Variants in MAD1L1 observed in about 807,000 individuals in gnomAD.
MAD1L1 encodes the protein mitotic arrest deficient 1 like 1.
A neutral mutation model predicts 96.9 loss-of-function variants in MAD1L1; 95 were observed. The ratio of observed to expected loss-of-function variants is 0.98; its 90% CI spans 0.83 to 1.16. The LOEUF is 1.16. Among genes scored for constraint, MAD1L1 ranks in the 50% most tolerant of loss-of-function variants. The pLI is 0.00. For missense variants in MAD1L1, 1,007 were observed against 954.4 expected (o/e 1.06, Z -0.73); for synonymous variants, 473 against 396.6 (o/e 1.19, Z -2.29).
intron 12 of MAD1L1, among the ~76,000 whole-genome samples, chr7:2,062,470 G>A (rs1784704699): frequency 6.6e-6 from 1 of 151,850 alleles, no homozygotes; most frequent in Admixed American, 6.6e-5. Flanking sequence ...AGCTACTCGA[G>A]AGGCTGAGGC....
chr7:2,166,629 AG>A (rs1231239899), intron 10 of MAD1L1, among the ~76,000 whole-genome samples: 4 of 152,272 alleles, frequency 2.6e-5, no homozygotes. Flanking sequence ...CAAGAAGCTC[AG>A]AACAGGGGCA....
At chr7:1,840,403 T>C (rs1783186438) in intron 18 of MAD1L1, among the ~76,000 whole-genome samples, 1 of 152,148 alleles carries the variant, frequency 6.6e-6, no homozygotes, top group Non-Finnish European at 1.5e-5. Flanking sequence ...GCTGTACAAG[T>C]ATCTGTCCTA....
chr7:2,093,709 G>C (rs770192395), intron 11 of MAD1L1, among the ~76,000 whole-genome samples: 5 of 152,184 alleles, frequency 3.3e-5, no homozygotes, highest in Admixed American at 6.5e-5. Flanking sequence ...CCCCAAGACA[G>C]CTCCGTCTCA....
At chr7:2,073,209 G>C (rs1223927476) in intron 11 of MAD1L1, among the ~76,000 whole-genome samples, 1 of 152,172 alleles carries the variant, frequency 6.6e-6, no homozygotes, top group African/African-American at 2.4e-5. Flanking sequence ...ACTGCTTAAA[G>C]GGTCTTTACC....
intron 18 of MAD1L1, among the ~76,000 whole-genome samples, chr7:1,882,593 A>G (rs1278128873): frequency 6.6e-6 from 1 of 152,180 alleles, no homozygotes; most frequent in Non-Finnish European, 1.5e-5. Flanking sequence ...ACCCGTGGCC[A>G]CAGGGTCCTG....
chr7:2,049,886 C>A (rs959285700), intron 12 of MAD1L1, among the ~76,000 whole-genome samples: 12 of 150,554 alleles, frequency 8.0e-5, no homozygotes, highest in African/African-American at 2.5e-4. Context: ...AGGCACCAGA[C>A]CACACGTTCA....
intron 12 of MAD1L1, among the ~76,000 whole-genome samples, chr7:2,022,929 G>A (rs775659076): frequency 1.3e-5 from 2 of 152,136 alleles, no homozygotes; most frequent in African/African-American, 2.4e-5. Context: ...ACAAGGAAAC[G>A]ATCAGGAATG....
At chr7:1,938,548 G>T (rs748024748) in intron 16 of MAD1L1, among the ~76,000 whole-genome samples, 14 of 152,198 alleles carry the variant, frequency 9.2e-5, no homozygotes, top group Non-Finnish European at 1.8e-4. Flanking sequence ...CAGAACATAC[G>T]AAGAAGTCAG....
chr7:2,089,706 A>C (rs1786110319), intron 11 of MAD1L1, among the ~76,000 whole-genome samples: 1 of 138,582 alleles, frequency 7.2e-6, no homozygotes, highest in Non-Finnish European at 1.5e-5. Flanking sequence ...GTGTTTAATC[A>C]CACTTCCAAC....
chr7:2,216,551 T>C (rs1432099585), intron 7 of MAD1L1, among the ~76,000 whole-genome samples: 3 of 152,126 alleles, frequency 2.0e-5, no homozygotes, highest in African/African-American at 7.2e-5. Context: ...TAGAACATTT[T>C]ACATCTGCCC....
Position 2,103,008 on chromosome 7 carries a change from CAG to C in MAD1L1, c.1074-33672_1074-33671del, listed in dbSNP as rs1562689585. Among the ~76,000 whole-genome samples, 1 of 152,230 alleles carries C rather than the reference CAG, an allele frequency of 6.6e-6. No homozygotes were observed. The highest frequency in any genetic ancestry group is 1.5e-5 in the Non-Finnish European group (1 of 68,044). ...CTCTCAGGACATCAGCTCCACAACTCAGAGGAGGCAGCCTCCGTGATGCTGCC... is the reference window on the plus strand; with the variant it reads ...CTCTCAGGACATCAGCTCCACAACTCAGGAGGCAGCCTCCGTGATGCTGCC... On this transcript the variant is annotated intron_variant, in intron 11 of 18. Transcript: ENST00000265854. This position sits in a 1 kb window ranked among gnomAD's most constrained non-coding sequence, Gnocchi z 4.3.
At chr7:2,038,603 T>TG (rs1783546514) in intron 12 of MAD1L1, among the ~76,000 whole-genome samples, 1 of 147,290 alleles carries the variant, frequency 6.8e-6, no homozygotes, top group Non-Finnish European at 1.5e-5. Context: ...ACCTCCGCCT[T>TG]CTGGGTTCAA....
At chr7:2,144,135 G>T (rs1477310671) in intron 11 of MAD1L1, among the ~76,000 whole-genome samples, 1 of 152,190 alleles carries the variant, frequency 6.6e-6, no homozygotes, top group Non-Finnish European at 1.5e-5. Flanking sequence ...CTGGACGCAC[G>T]TCCTGCTTTC....
chr7:2,101,746 G>A (rs541225671), intron 11 of MAD1L1, among the ~76,000 whole-genome samples: 2 of 152,120 alleles, frequency 1.3e-5, no homozygotes, highest in Admixed American at 6.5e-5. Flanking sequence ...CCAGACTACC[G>A]GCTCCATGCT....
intron 14 of MAD1L1, among the ~76,000 whole-genome samples, chr7:1,985,525 C>T (rs1004305900): frequency 6.6e-6 from 1 of 152,258 alleles, no homozygotes; most frequent in African/African-American, 2.4e-5. Flanking sequence ...GCAGCTCGAT[C>T]TGCTCTCCCC....
chr7:2,107,115 C>T (rs1382206838), intron 11 of MAD1L1, among the ~76,000 whole-genome samples: 2 of 152,232 alleles, frequency 1.3e-5, no homozygotes, highest in African/African-American at 2.4e-5. Flanking sequence ...AGGATGGCAG[C>T]GCACCGGGAG....
At chr7:1,972,574 A>C (rs1780452843) in intron 15 of MAD1L1, among the ~76,000 whole-genome samples, 2 of 147,510 alleles carry the variant, frequency 1.4e-5, no homozygotes, top group South Asian at 4.5e-4. Flanking sequence ...ATTTTTGTCA[A>C]ATTTGCTAGA....
chr7:1,891,334 G>A (rs1786526029), intron 18 of MAD1L1, among the ~76,000 whole-genome samples: 1 of 152,022 alleles, frequency 6.6e-6, no homozygotes, highest in Non-Finnish European at 1.5e-5. Context: ...GACCATCCTG[G>A]CCAACATGGT....
intron 18 of MAD1L1, among the ~76,000 whole-genome samples, chr7:1,888,399 C>CGTGTGGCTGCCTGTGCATGT (rs1298231837): frequency 1.1e-4 from 12 of 114,020 alleles, no homozygotes; most frequent in South Asian, 9.1e-4. Context: ...TGTGTGCATG[C>CGTGTGGCTGCCTGTGCATGT]GTGTGGCTGC....
Sources: allele counts gnomAD v4.1 joint callset (sites outside exome capture counted in the v4.1 genomes callset), GRCh38; gene constraint gnomAD v4.1.1; non-coding constraint Gnocchi (gnomAD v3.1); transcripts MANE v1.5; gene names NCBI Gene and HGNC (gene_info 2026-07-23, HGNC 2026-07-21).